Variants in MRPL10 observed in about 807,000 individuals in gnomAD.
The protein encoded by MRPL10 is large ribosomal subunit protein uL10m.
A neutral mutation model predicts 19.8 loss-of-function variants in MRPL10; 14 were observed. The ratio of observed to expected loss-of-function variants is 0.71; its 90% CI spans 0.47 to 1.11. The LOEUF (loss-of-function observed/expected upper bound fraction) is 1.11. Ranked by LOEUF, MRPL10 falls within the 50% of genes least tolerant of loss-of-function variation. The probability of loss-of-function intolerance (pLI) is 0.00; values close to 1 mark genes in which losing one functional copy is unlikely to be tolerated. For synonymous variants in MRPL10, 129 were observed against 139.2 expected (o/e 0.93, Z 0.52); for missense variants, 318 against 339.6 (o/e 0.94, Z 0.50).
Position 47,824,182 on chromosome 17 carries a change from G to A in MRPL10, c.*23C>T, listed in dbSNP as rs377631587. 2.5e-5 allele frequency: 41 copies of A among 1,613,936 alleles called. No individual in the cohort carries two copies. In the African/African-American group the frequency reaches 2.8e-4, roughly 11 times the overall value. ...CCAATAACGCAGAGTGTATTTATGC[G>A]CAGGGCTGGCTAAACAGGCTGGCTA... On this transcript the variant is annotated 3_prime_UTR_variant, in exon 5 of 5. Coordinates refer to ENST00000351111, the MANE Select transcript of MRPL10 (RefSeq NM_145255.4).
Position 47,828,569 on chromosome 17 carries a change from C to G in MRPL10, c.154G>C (p.Glu52Gln), listed in dbSNP as rs749906457. 4 of 1,508,892 alleles carry G rather than the reference C, an allele frequency of 2.7e-6. No homozygotes were observed. Among genetic ancestry groups the G allele is most frequent in the Non-Finnish European group, 3.5e-6 (4 of 1,135,274 alleles). The allele number at this position is 1,508,892 out of a possible 1,614,324, so 93.5% of individuals were successfully genotyped here. ...FQRQKLMAVT[E>Q]YIPPKPAIHP... ...ATGGCTGGTTTCGGGGGGATATATT[C>G]AGTCACAGCCATCAGCTTCTGCCGC... The change falls in exon 2 of 5, where the codon GAA becomes CAA. Residue 52 changes from glutamate (E) to glutamine (Q), a missense_variant. Coordinates refer to ENST00000351111, the MANE Select transcript of MRPL10 (RefSeq NM_145255.4).
intron 1 of MRPL10, among the ~76,000 whole-genome samples, chr17:47,831,104 C>T (rs1567951879): frequency 6.6e-6 from 1 of 152,230 alleles, no homozygotes; most frequent in Non-Finnish European, 1.5e-5. Context: ...TGGTTCTGCC[C>T]TTGCGGAGTT....
intron 4 of MRPL10, 140 bp downstream of exon 4, chr17:47,826,497 A>G: frequency 9.4e-7 from 1 of 1,061,972 alleles, no homozygotes; most frequent in Non-Finnish European, 1.4e-6. Context: ...TCGGCCCTCA[A>G]TAAATGTGCT....
chr17:47,826,818 A>C (rs1481166962), intron 3 of MRPL10, 37 bp from the exon 4 acceptor site: 1 of 1,613,208 alleles, frequency 6.2e-7, no homozygotes, highest in East Asian at 2.2e-5. Context: ...ATCGGGGACA[A>C]GTGGGAGGAA....
chr17:47,826,561 T>C (rs1170927214), intron 4 of MRPL10, 76 bp downstream of exon 4: 1 of 1,573,886 alleles, frequency 6.4e-7, no homozygotes, highest in Non-Finnish European at 8.7e-7. Context: ...CGTTCACGGT[T>C]TTACCAAGAC....
rs914729066 is a variant in MRPL10 at position 47,825,367 on chromosome 17, G to A, written c.533-909C>T. On this transcript the variant is annotated intron_variant, in intron 4 of 4. Transcript: ENST00000351111. ...AATCAGGCTGGGTGCAGTGGAAAAC[G>A]CCTGTAATCCCAACACTTCAGGAGG... Among the ~76,000 whole-genome samples the A allele has an allele frequency of 3.9e-5, 6 of 152,046 alleles. No individual in the cohort carries two copies. In the East Asian group the frequency reaches 7.7e-4, roughly 19 times the overall value.
At chr17:47,831,350 G>A (rs780141666) in intron 1 of MRPL10, 110 bp downstream of exon 1, 56 of 1,539,090 alleles carry the variant, frequency 3.6e-5, no homozygotes, top group Non-Finnish European at 4.8e-5. Flanking sequence ...AAGGAGGCCA[G>A]CGATCTAGCT....
rs1264229359 is a variant in MRPL10 at position 47,831,477 on chromosome 17, C to A, written c.35G>T (p.Gly12Val). 1.3e-6 allele frequency: 2 copies of A among 1,548,970 alleles called. No individual in the cohort carries two copies. The highest frequency in any genetic ancestry group is 1.2e-5 in the South Asian group (1 of 84,000). The change falls in exon 1 of 5, where the codon GGT becomes GTT. Residue 12 changes from glycine (G) to valine (V), a missense_variant. By Grantham distance (109) the Gly-to-Val change is moderately radical. Coordinates refer to ENST00000351111, the MANE Select transcript of MRPL10 (RefSeq NM_145255.4). ...CTCCTTACCCGCCTGGGGCAGGAGA[C>A]CCCCTCGCAGCATCCCCGCCACGGC... ...AAAVAGMLRGGLLPQAGRLPT... is the reference protein window; with the variant it reads ...AAAVAGMLRGVLLPQAGRLPT...
chr17:47,831,495 G>A lies in MRPL10; in HGVS notation c.17C>T (p.Ala6Val), dbSNP rs779404267. The change falls in exon 1 of 5, where the codon GCG (alanine) becomes GTG (valine). Residue 6 changes from alanine to valine, a missense_variant. Physicochemically the swap from Ala to Val is moderately conservative, Grantham distance 64 (BLOSUM62 0). Transcript: ENST00000351111. ...CAGGAGACCCCCTCGCAGCATCCCC[G>A]CCACGGCCGCAGCCATCTCCACCGG... MAAAV[A>V]GMLRGGLLPQ... The A allele has an allele frequency of 6.1e-5, 95 of 1,549,860 alleles. No homozygotes were observed. The highest frequency in any genetic ancestry group is 9.8e-5 in the East Asian group (4 of 40,884).
chr17:47,828,694 G>T, intron 1 of MRPL10, 24 bp from the exon 2 acceptor site: 1 of 1,496,836 alleles, frequency 6.7e-7, no homozygotes. Context: ...TAGCAACATG[G>T]TTAGAGGCAA....
intron 4 of MRPL10, among the ~76,000 whole-genome samples, chr17:47,826,343 T>C (rs1023639886): frequency 5.3e-5 from 8 of 152,116 alleles, no homozygotes; most frequent in African/African-American, 1.9e-4. Flanking sequence ...TCTTCATCTG[T>C]GAGGGTTTCA....
intron 1 of MRPL10, among the ~76,000 whole-genome samples, chr17:47,829,894 C>CA (rs202029179): frequency 0.31 from 42,616 of 135,782 alleles, 7,397 homozygotes; most frequent in East Asian, 0.63. Context: ...AAGACTGTCT[C>CA]AAAAAAAAAA....
At chr17:47,827,842 A>G (rs1472782143) in intron 2 of MRPL10, among the ~76,000 whole-genome samples, 1 of 135,110 alleles carries the variant, frequency 7.4e-6, no homozygotes, top group Non-Finnish European at 1.5e-5. Flanking sequence ...GGTTGCGATG[A>G]GCCAAGAGTG....
Position 47,831,441 on chromosome 17 carries a change from G to A in MRPL10, c.52+19C>T. 1 of 1,548,658 alleles carries A rather than the reference G, an allele frequency of 6.5e-7. No individual in the cohort carries two copies. Among genetic ancestry groups the A allele is most frequent in the Non-Finnish European group, 8.7e-7 (1 of 1,146,866 alleles). On this transcript the variant is annotated intron_variant, in intron 1 of 4. Transcript: ENST00000351111. ...GAGCGGCCGCAAGACACGCCGTGAG[G>A]ACCTGGGCCACTCCTTACCCGCCTG... is the stretch of plus-strand genomic sequence containing the variant.
In MRPL10 at chr17:47,826,634, C is replaced by T; in HGVS notation, c.532+3G>A. Reference sequence around the variant, plus strand: ...CCCCTAACTGGCAGGGGTGCTTGCTCACCTAGCAGCGGCAGGAATGGCACA... The same window carrying T: ...CCCCTAACTGGCAGGGGTGCTTGCTTACCTAGCAGCGGCAGGAATGGCACA... On this transcript the variant is annotated splice_donor_region_variant and intron_variant, in intron 4 of 4. Transcript: ENST00000351111. 4 of 1,613,090 alleles carry T rather than the reference C, an allele frequency of 2.5e-6. No homozygotes were observed. Among genetic ancestry groups the T allele is most frequent in the Non-Finnish European group, 3.4e-6 (4 of 1,179,992 alleles).
In MRPL10 at chr17:47,827,072, G is replaced by A. The variant is rs763157170; in HGVS notation, c.355C>T (p.His119Tyr). ...KLLMRHQLRKHKILMKVFPNQ... is the reference protein window; with the variant it reads ...KLLMRHQLRKYKILMKVFPNQ... ...GGGAAGACCTTCATCAGGATCTTGT[G>A]TTTCCGCAGCTGGTGTCGCATAAGA... Residue 119 changes from histidine to tyrosine, a missense_variant, in exon 3 of 5, where the codon CAC (histidine) becomes TAC (tyrosine). Transcript: ENST00000351111. The A allele has an allele frequency of 3.7e-6, 6 of 1,613,636 alleles. No individual in the cohort carries two copies. Among genetic ancestry groups the A allele is most frequent in the Non-Finnish European group, 5.1e-6 (6 of 1,179,798 alleles).
At chr17:47,826,892 C>A (rs567190850) in intron 3 of MRPL10, 111 bp from the exon 4 acceptor site, 1 of 1,503,528 alleles carries the variant, frequency 6.7e-7, no homozygotes. Context: ...CTTCTCAGCC[C>A]CTAATCATAG....
chr17:47,828,431 T>C lies in MRPL10; in HGVS notation c.222+70A>G, dbSNP rs1229226275. The C allele has an allele frequency of 5.2e-6, 6 of 1,154,414 alleles. No homozygotes were observed. The East Asian group carries it at 1.7e-4, about 33-fold the overall frequency. The allele number at this position is 1,154,414 out of a possible 1,614,324, so 71.5% of individuals were successfully genotyped here. A position where few individuals can be genotyped will look rare whatever the true frequency, so the allele number is the denominator to read the frequency against. Reference sequence around the variant, plus strand: ...AATGGCTGAGTGTCCTACTTCACTATGGCCAGAGACAAGATTACTTTAATC... The same window carrying C: ...AATGGCTGAGTGTCCTACTTCACTACGGCCAGAGACAAGATTACTTTAATC... On this transcript the variant is annotated intron_variant, in intron 2 of 4. Coordinates refer to ENST00000351111, the MANE Select transcript of MRPL10 (RefSeq NM_145255.4).
intron 1 of MRPL10, 33 bp from the exon 2 acceptor site, chr17:47,828,703 A>G: frequency 6.7e-7 from 1 of 1,488,286 alleles, no homozygotes; most frequent in Non-Finnish European, 8.9e-7. Context: ...GGTTAGAGGC[A>G]ACCTCCTGGA....
Sources: allele counts gnomAD v4.1 joint callset (sites outside exome capture counted in the v4.1 genomes callset), GRCh38; gene constraint gnomAD v4.1.1; transcripts MANE v1.5; gene names NCBI Gene and HGNC (gene_info 2026-07-23, HGNC 2026-07-21).